The following LSAMP variants were observed in gnomAD, a reference collection of about 807,000 sequenced individuals.
The protein encoded by LSAMP is limbic system-associated membrane protein.
LSAMP carries 7 observed loss-of-function variants against 38.6 expected under a neutral mutation model. The ratio of observed to expected loss-of-function variants is 0.18; its 90% CI spans 0.10 to 0.34. The LOEUF (loss-of-function observed/expected upper bound fraction) is 0.34, where lower values mean the gene tolerates loss of function less well. LSAMP is among the 10% of genes least tolerant of loss of function. The pLI, the probability that LSAMP is intolerant of heterozygous loss-of-function variation, is 1.00. For synonymous variants in LSAMP, 154 were observed against 166.8 expected (o/e 0.92, Z 0.59); for missense variants, 313 against 420.0 (o/e 0.75, Z 2.23).
chr3:115,882,068 A>T (rs1278849179), intron 3 of LSAMP, among the ~76,000 whole-genome samples: 1 of 152,152 alleles, frequency 6.6e-6, no homozygotes, highest in Non-Finnish European at 1.5e-5. Flanking sequence ...AAAACTCTGC[A>T]GTGCTATTTA....
intron 1 of LSAMP, among the ~76,000 whole-genome samples, chr3:116,231,944 T>C (rs534106804): frequency 1.3e-5 from 2 of 152,336 alleles, no homozygotes; most frequent in South Asian, 4.1e-4. Context: ...AACTTCTGTT[T>C]GGTGTTCCAC....
intron 3 of LSAMP, among the ~76,000 whole-genome samples, chr3:115,872,482 C>G (rs1346663178): frequency 5.9e-5 from 9 of 151,698 alleles, no homozygotes. Flanking sequence ...GAAGAGAGTG[C>G]AGGAGAAAAT....
chr3:116,316,554 C>T (rs2047631356), intron 1 of LSAMP, among the ~76,000 whole-genome samples: 1 of 152,004 alleles, frequency 6.6e-6, no homozygotes, highest in Non-Finnish European at 1.5e-5. Flanking sequence ...GGGTAGATCA[C>T]GAGGTCAGGA....
chr3:115,930,893 T>C (rs557276741), intron 3 of LSAMP, among the ~76,000 whole-genome samples: 3 of 152,308 alleles, frequency 2.0e-5, no homozygotes, highest in East Asian at 3.9e-4. Flanking sequence ...AAAATCTTAA[T>C]GGCATATTTA....
chr3:115,820,995 T>C (rs1351008751), intron 6 of LSAMP, among the ~76,000 whole-genome samples: 1 of 152,224 alleles, frequency 6.6e-6, no homozygotes, highest in Non-Finnish European at 1.5e-5. Context: ...CCTTCCTGAC[T>C]AATAAAAATG....
At chr3:116,084,462 AAAAAAAAAACC>A (rs1338340112) in intron 2 of LSAMP, among the ~76,000 whole-genome samples, 2 of 149,332 alleles carry the variant, frequency 1.3e-5, no homozygotes, top group Non-Finnish European at 3.0e-5. Flanking sequence ...TGGCAAAAAA[AAAAAAAAAACC>A]AAAAAAAACC....
chr3:116,113,330 CA>C (rs1463238669), intron 1 of LSAMP, among the ~76,000 whole-genome samples: 2 of 141,792 alleles, frequency 1.4e-5, no homozygotes, highest in Non-Finnish European at 3.0e-5. Flanking sequence ...CTCTGTAAAA[CA>C]ACAAACTTGA....
chr3:116,280,228 C>G (rs1374791682), intron 1 of LSAMP, among the ~76,000 whole-genome samples: 1 of 152,096 alleles, frequency 6.6e-6, no homozygotes, highest in African/African-American at 2.4e-5. Context: ...CACATTAGTT[C>G]CCACCATGAT....
At chr3:116,007,718 G>A (rs972952303) in intron 3 of LSAMP, among the ~76,000 whole-genome samples, 4 of 151,916 alleles carry the variant, frequency 2.6e-5, no homozygotes, top group Admixed American at 1.3e-4. Context: ...TCTTATTATT[G>A]CACAGGAAGA....
chr3:116,142,810 CT>C (rs942525792), intron 1 of LSAMP, among the ~76,000 whole-genome samples: 1 of 151,776 alleles, frequency 6.6e-6, no homozygotes, highest in African/African-American at 2.4e-5. Context: ...TCGGGTGCTA[CT>C]TTTTTATTAA....
intron 3 of LSAMP, among the ~76,000 whole-genome samples, chr3:115,961,635 A>G (rs1376491417): frequency 6.6e-6 from 1 of 152,122 alleles, no homozygotes; most frequent in African/African-American, 2.4e-5. Flanking sequence ...TCCCCAATCA[A>G]TTCCCTGAGG....
At chr3:116,268,344 T>C (rs2046920416) in intron 1 of LSAMP, among the ~76,000 whole-genome samples, 1 of 152,152 alleles carries the variant, frequency 6.6e-6, no homozygotes, top group Non-Finnish European at 1.5e-5. Flanking sequence ...AAATGCCTTT[T>C]ATTTGCTATA....
rs1933848932 is a variant in LSAMP, at chr3:115,811,952, AC to A, written c.920-1539del. Among the ~76,000 whole-genome samples the A allele has an allele frequency of 2.0e-5, 3 of 152,184 alleles. No individual in the cohort carries two copies. The South Asian group carries it at 6.2e-4, about 31-fold the overall frequency. On this transcript the variant is annotated intron_variant, in intron 6 of 6. Coordinates refer to ENST00000490035, the MANE Select transcript of LSAMP (RefSeq NM_002338.5). ...TGTAAGCAGAGGAGCTGGGGTTTTT[AC>A]CCAGGTATCTGGCTCCAGAGTCTTT... is the stretch of plus-strand genomic sequence containing the variant.
intron 1 of LSAMP, among the ~76,000 whole-genome samples, chr3:116,315,872 T>C (rs979912467): frequency 1.3e-5 from 2 of 152,208 alleles, no homozygotes; most frequent in African/African-American, 2.4e-5. Context: ...GGATGTACTG[T>C]CTTTGGTATA....
chr3:116,445,199 T>G lies in LSAMP; in HGVS notation c.-168A>C. On this transcript the variant is annotated 5_prime_UTR_variant, in exon 1 of 7. Transcript: ENST00000490035. ...CTCTCTCTTTCCCTCGCTCAGTCTC[T>G]TTTCCCTCTAAGACTTAACAAAGCC... 1 of 636,634 alleles carries G rather than the reference T, an allele frequency of 1.6e-6. No homozygotes were observed. The highest frequency in any genetic ancestry group is 2.7e-6 in the Non-Finnish European group (1 of 368,992). 39.4% of individuals were successfully genotyped at this position (636,634 alleles called of 1,614,324 possible).
intron 2 of LSAMP, among the ~76,000 whole-genome samples, chr3:116,039,378 C>T (rs1941116667): frequency 6.6e-6 from 1 of 152,178 alleles, no homozygotes; most frequent in African/African-American, 2.4e-5. Flanking sequence ...CAATTTCATC[C>T]ATCAAAGGAA....
At chr3:115,884,681 C>G (rs185566331) in intron 3 of LSAMP, among the ~76,000 whole-genome samples, 1 of 152,026 alleles carries the variant, frequency 6.6e-6, no homozygotes, top group Non-Finnish European at 1.5e-5. Flanking sequence ...GGAATGCCAA[C>G]AAGTTTACAA....
intron 1 of LSAMP, among the ~76,000 whole-genome samples, chr3:116,186,015 T>C (rs1343493357): frequency 6.6e-6 from 1 of 152,082 alleles, no homozygotes; most frequent in Non-Finnish European, 1.5e-5. Context: ...AGCTGATTTT[T>C]TTAATGCTAG....
At chr3:116,107,708 T>C (rs1428080726) in intron 1 of LSAMP, among the ~76,000 whole-genome samples, 2 of 152,136 alleles carry the variant, frequency 1.3e-5, no homozygotes, top group Non-Finnish European at 2.9e-5. Flanking sequence ...CCCAGGTAAT[T>C]TGCTGAGCCT....
Sources: gnomAD v4.1 joint callset for allele counts (sites outside exome capture counted in the v4.1 genomes callset) on GRCh38, gnomAD v4.1.1 for gene constraint, MANE v1.5 for transcripts, NCBI Gene and HGNC (gene_info 2026-07-23, HGNC 2026-07-21) for gene names.